The following LAMB1 variants were observed in gnomAD, a reference collection of about 807,000 sequenced individuals.
LAMB1 encodes laminin subunit beta 1.
A neutral mutation model predicts 222.3 loss-of-function variants in LAMB1; 121 were observed. That is an observed-to-expected ratio of 0.54 (90% CI 0.47 to 0.63). The LOEUF (loss-of-function observed/expected upper bound fraction) is 0.63. LAMB1 is among the 30% of genes least tolerant of loss of function. The pLI, the probability that LAMB1 is intolerant of heterozygous loss-of-function variation, is 0.00. For missense variants in LAMB1, 2,172 were observed against 2,240.8 expected, an observed-to-expected ratio of 0.97 and a Z score of 0.62; for synonymous variants, 794 against 807.2, an observed-to-expected ratio of 0.98 and a Z score of 0.28.
intron 13 of LAMB1, among the ~76,000 whole-genome samples, chr7:107,972,375 T>C (rs1352560961): frequency 6.6e-6 from 1 of 152,194 alleles, no homozygotes; most frequent in Non-Finnish European, 1.5e-5. Context: ...TTACACTATC[T>C]GTTCCAGATG....
At chr7:107,959,638 C>T (rs1385538686) in intron 19 of LAMB1, 53 bp downstream of exon 19, 2 of 1,614,134 alleles carry the variant, frequency 1.2e-6, no homozygotes, top group Non-Finnish European at 1.7e-6. Context: ...AACCCTGCCA[C>T]AATGGCTGAG....
chr7:107,929,265 GTTCTT>G, intron 30 of LAMB1, 60 bp from the exon 31 acceptor site: 1 of 1,587,758 alleles, frequency 6.3e-7, no homozygotes, highest in Middle Eastern at 1.7e-4. Context: ...TACTCTCAGT[GTTCTT>G]TTCTTTAAAG....
At chr7:107,953,894 C>T (rs1320140650) in intron 21 of LAMB1, 140 bp from the exon 22 acceptor site, 4 of 691,496 alleles carry the variant, frequency 5.8e-6, no homozygotes, top group Admixed American at 2.3e-5. Context: ...CCAGGGTGAT[C>T]ACATCTGAAG....
intron 28 of LAMB1, 39 bp from the exon 29 acceptor site, chr7:107,931,539 T>C (rs777458892): frequency 6.3e-6 from 10 of 1,593,756 alleles, no homozygotes; most frequent in African/African-American, 1.3e-5. Flanking sequence ...AAGACTTTCA[T>C]TCTTTCTAAA....
At position 107,940,163 on chromosome 7, in the gene LAMB1, C is replaced by T; in HGVS notation, c.3587G>A (p.Arg1196Lys). ...GGCTTTCTCCAGGAATCTGTGTGTCCTGTTGGTCAGCTCGGCAATGATCAC... is the reference window on the plus strand; with the variant it reads ...GGCTTTCTCCAGGAATCTGTGTGTCTTGTTGGTCAGCTCGGCAATGATCAC... ...WDVIIAELTN[R>K]THRFLEKAKA... Residue 1196 changes from arginine to lysine, a missense_variant, in exon 25 of 34, where the codon AGG becomes AAG. By Grantham distance (26) the Arg-to-Lys change is conservative (BLOSUM62 2). Coordinates refer to ENST00000222399, the MANE Select transcript of LAMB1 (RefSeq NM_002291.3). 1 of 1,614,140 alleles carries T rather than the reference C, an allele frequency of 6.2e-7. No homozygotes were observed. The highest frequency in any genetic ancestry group is 8.5e-7 in the Non-Finnish European group (1 of 1,180,028).
intron 8 of LAMB1, 62 bp downstream of exon 8, chr7:107,980,547 C>T: frequency 7.4e-7 from 1 of 1,360,310 alleles, no homozygotes; most frequent in African/African-American, 1.4e-5. Context: ...GTAAGACTAG[C>T]TTCACTTTGC....
At chr7:107,964,288 A>G (rs1351055484) in intron 14 of LAMB1, among the ~76,000 whole-genome samples, 1 of 152,222 alleles carries the variant, frequency 6.6e-6, no homozygotes, top group East Asian at 1.9e-4. Flanking sequence ...GCATAAGTAG[A>G]GAGAAGAAAA....
chr7:107,959,951 C>T, intron 18 of LAMB1, 117 bp from the exon 19 acceptor site: 1 of 1,361,094 alleles, frequency 7.3e-7, no homozygotes, highest in Non-Finnish European at 9.9e-7. Context: ...AAAACAGTAT[C>T]ATCCCTATGA....
chr7:107,944,044 C>T (rs148639636), intron 24 of LAMB1, among the ~76,000 whole-genome samples: 1 of 152,220 alleles, frequency 6.6e-6, no homozygotes. Flanking sequence ...TCACCCATCT[C>T]CCTTAGACTT....
At chr7:107,939,861 G>A (rs1378589818) in intron 25 of LAMB1, 128 bp downstream of exon 25, 2 of 1,089,256 alleles carry the variant, frequency 1.8e-6, no homozygotes, top group Non-Finnish European at 2.7e-6. Context: ...AAATGGCTCA[G>A]AATCTGTTCT....
chr7:107,941,340 T>G (rs1481341074), intron 24 of LAMB1, among the ~76,000 whole-genome samples: 1 of 152,220 alleles, frequency 6.6e-6, no homozygotes, highest in East Asian at 1.9e-4. Context: ...ACGAAAGGCC[T>G]TATGCTAACA....
At chr7:107,956,028 C>G (rs1217743338) in intron 20 of LAMB1, among the ~76,000 whole-genome samples, 1 of 152,230 alleles carries the variant, frequency 6.6e-6, no homozygotes, top group Non-Finnish European at 1.5e-5. Context: ...TCCCAGGTAG[C>G]TGGGATTATA....
At chr7:107,991,526 G>A (rs1198966764) in intron 5 of LAMB1, among the ~76,000 whole-genome samples, 1 of 151,778 alleles carries the variant, frequency 6.6e-6, no homozygotes, top group Non-Finnish European at 1.5e-5. Context: ...GGCAGAGGCT[G>A]CAGTGAGCCA....
At chr7:107,967,084 T>C (rs1419474041) in intron 13 of LAMB1, among the ~76,000 whole-genome samples, 1 of 152,202 alleles carries the variant, frequency 6.6e-6, no homozygotes, top group Non-Finnish European at 1.5e-5. Flanking sequence ...GACATTTCCA[T>C]GGACTGGCCA....
chr7:107,988,569 C>G (rs1212786518), intron 5 of LAMB1, among the ~76,000 whole-genome samples: 1 of 152,134 alleles, frequency 6.6e-6, no homozygotes, highest in African/African-American at 2.4e-5. Context: ...ACATTCTTTA[C>G]TTTAACTCTC....
intron 16 of LAMB1, 106 bp downstream of exon 16, chr7:107,961,443 G>C (rs976985817): frequency 5.1e-6 from 8 of 1,571,114 alleles, no homozygotes; most frequent in Non-Finnish European, 6.9e-6. Context: ...AAAGTCAGCA[G>C]TCAACGTCTG....
At chr7:107,993,901 G>A (rs558422132) in intron 5 of LAMB1, among the ~76,000 whole-genome samples, 1 of 152,272 alleles carries the variant, frequency 6.6e-6, no homozygotes, top group African/African-American at 2.4e-5. Context: ...TGGGCAAGGG[G>A]ATAAAGGCTC....
At chr7:107,929,850 C>A in intron 29 of LAMB1, 1 of 559,172 alleles carries the variant, frequency 1.8e-6, no homozygotes, top group Non-Finnish European at 3.2e-6. Flanking sequence ...TTGTTTTAGG[C>A]TGGGTAGTGA....
At position 107,960,481 on chromosome 7, in the gene LAMB1, AGAT is replaced by A. The variant is rs757824197; in HGVS notation, c.2275_2277del (p.Ile759del). The A allele has an allele frequency of 2.5e-6, 4 of 1,614,092 alleles. No individual in the cohort carries two copies. Among genetic ancestry groups the A allele is most frequent in the Admixed American group, 3.3e-5 (2 of 60,014 alleles). ...TGGTGTAACAGGGCAGAAATGCTAA[AGAT>A]GATGTTTCTGCAAACATCTGTCATC... On this transcript the variant is annotated inframe_deletion, in exon 18 of 34. Coordinates refer to ENST00000222399, the MANE Select transcript of LAMB1 (RefSeq NM_002291.3).
Sources: allele counts gnomAD v4.1 joint callset (sites outside exome capture counted in the v4.1 genomes callset), GRCh38; gene constraint gnomAD v4.1.1; transcripts MANE v1.5; gene names NCBI Gene and HGNC (gene_info 2026-07-23, HGNC 2026-07-21).